Variants in FTO observed in about 807,000 individuals in gnomAD.
The protein encoded by FTO is FTO alpha-ketoglutarate dependent dioxygenase.
In FTO, 47 loss-of-function variants were observed where a neutral mutation model predicts 63.9. The ratio of observed to expected loss-of-function variants is 0.74; its 90% CI spans 0.58 to 0.94. The LOEUF (loss-of-function observed/expected upper bound fraction) is 0.94, where lower values mean the gene tolerates loss of function less well. Among genes scored for constraint, FTO ranks in the 40% least tolerant of loss-of-function variants. FTO has a pLI of 0.00. For missense variants in FTO, 562 were observed against 618.1 expected (o/e 0.91, Z 0.96); for synonymous variants, 207 against 224.4 (o/e 0.92, Z 0.69).
At chr16:53,904,680 C>T (rs558559611) in intron 7 of FTO, among the ~76,000 whole-genome samples, 25 of 152,280 alleles carry the variant, frequency 1.6e-4, no homozygotes, top group African/African-American at 5.8e-4. Flanking sequence ...GAGGGCTCCC[C>T]ATCCCTGGAA....
At chr16:53,799,159 A>G (rs938186101) in intron 1 of FTO, among the ~76,000 whole-genome samples, 2 of 152,080 alleles carry the variant, frequency 1.3e-5, no homozygotes, top group African/African-American at 4.8e-5. Context: ...ATTTATATGC[A>G]TGAGGGATAT....
In FTO at chr16:53,841,282, C is replaced by T. The variant is rs138593944; in HGVS notation, c.752-2873C>T. 4.3e-3 allele frequency among the ~76,000 whole-genome samples: 647 copies of T among 151,794 alleles called. 1 individual carries two copies. Among genetic ancestry groups the T allele is most frequent in the African/African-American group, 0.015 (626 of 41,340 alleles). ...CTGATATAAAGGTATTTATCATTCTCATTCTAGAAGGTTTATAAAAAATGT... is the reference window on the plus strand; with the variant it reads ...CTGATATAAAGGTATTTATCATTCTTATTCTAGAAGGTTTATAAAAAATGT... On this transcript the variant is annotated intron_variant, in intron 3 of 8. Coordinates refer to ENST00000471389, the MANE Select transcript of FTO (RefSeq NM_001080432.3).
intron 8 of FTO, among the ~76,000 whole-genome samples, chr16:53,959,665 A>T (rs752755679): frequency 6.6e-6 from 1 of 152,218 alleles, no homozygotes; most frequent in Non-Finnish European, 1.5e-5. Flanking sequence ...TGTACTGTAC[A>T]GCTCAGGAAA....
chr16:53,874,737 C>T (rs149606217), intron 5 of FTO, among the ~76,000 whole-genome samples: 9 of 152,240 alleles, frequency 5.9e-5, no homozygotes, highest in Non-Finnish European at 1.0e-4. Context: ...ACCAGTGGAA[C>T]GATCATATTG....
At chr16:54,087,528 G>A (rs541313066) in intron 8 of FTO, among the ~76,000 whole-genome samples, 1 of 152,248 alleles carries the variant, frequency 6.6e-6, no homozygotes, top group East Asian at 1.9e-4. Flanking sequence ...AGGAGGCCAA[G>A]CACAGTGGCT....
chr16:54,089,499 G>A (rs558156736), intron 8 of FTO, among the ~76,000 whole-genome samples: 1 of 152,246 alleles, frequency 6.6e-6, no homozygotes, highest in South Asian at 2.1e-4. Context: ...GGGAAGTTGG[G>A]AGACACGGTT....
chr16:53,933,144 A>G (rs1246277733), intron 7 of FTO, among the ~76,000 whole-genome samples: 1 of 152,208 alleles, frequency 6.6e-6, no homozygotes, highest in African/African-American at 2.4e-5. Flanking sequence ...TCAAAGAGTA[A>G]GGGAGTAGTG....
chr16:54,075,071 A>G (rs753694285), intron 8 of FTO, among the ~76,000 whole-genome samples: 7 of 151,904 alleles, frequency 4.6e-5, no homozygotes, highest in East Asian at 1.9e-4. Flanking sequence ...GGCTATTTCT[A>G]TTTCTTCGTT....
intron 8 of FTO, among the ~76,000 whole-genome samples, chr16:53,959,345 G>A (rs2083010615): frequency 2.0e-5 from 3 of 152,082 alleles, no homozygotes; most frequent in Non-Finnish European, 4.4e-5. Flanking sequence ...TTGAATAGTT[G>A]CAGTCCTAAC....
At chr16:53,931,745 A>T (rs1309740522) in intron 7 of FTO, among the ~76,000 whole-genome samples, 1 of 152,300 alleles carries the variant, frequency 6.6e-6, no homozygotes, top group East Asian at 1.9e-4. Flanking sequence ...TTTAGATTAG[A>T]GATCACAAAT....
intron 1 of FTO, among the ~76,000 whole-genome samples, chr16:53,782,961 G>A (rs1271405796): frequency 6.6e-6 from 1 of 152,138 alleles, no homozygotes; most frequent in South Asian, 2.1e-4. Context: ...GTGAATTTTG[G>A]TTGAATGAGT....
chr16:53,724,898 T>G (rs1441805149), intron 1 of FTO, among the ~76,000 whole-genome samples: 1 of 152,196 alleles, frequency 6.6e-6, no homozygotes, highest in Non-Finnish European at 1.5e-5. Context: ...AAATTGCTGA[T>G]AATTAATAAT....
intron 1 of FTO, among the ~76,000 whole-genome samples, chr16:53,718,040 C>A (rs990332807): frequency 6.6e-6 from 1 of 152,002 alleles, no homozygotes; most frequent in African/African-American, 2.4e-5. Context: ...TTTTCAAGGT[C>A]CCCCATGTGC....
At chr16:53,966,469 A>C (rs147689010) in intron 8 of FTO, among the ~76,000 whole-genome samples, 360 of 152,334 alleles carry the variant, frequency 2.4e-3, no homozygotes, top group African/African-American at 8.0e-3. Context: ...AATTCCAAGC[A>C]GCTGCCTTTA....
At position 54,058,866 on chromosome 16, in the gene FTO, A is replaced by G. The variant is rs371545902; in HGVS notation, c.1365-52896A>G. On this transcript the variant is annotated intron_variant, in intron 8 of 8. Coordinates refer to ENST00000471389, the MANE Select transcript of FTO (RefSeq NM_001080432.3). Reference sequence around the variant, plus strand: ...GCCTTTGTCTGCTGCTACTGTGTCTATTTTTGTTGTGGTGGTGGTTGTTTT... The same window carrying G: ...GCCTTTGTCTGCTGCTACTGTGTCTGTTTTTGTTGTGGTGGTGGTTGTTTT... 6.6e-5 allele frequency among the ~76,000 whole-genome samples: 10 copies of G among 152,040 alleles called. No homozygotes were observed. In the South Asian group the frequency reaches 1.2e-3, roughly 19 times the overall value.
chr16:53,857,572 G>A (rs2080043827), intron 4 of FTO, among the ~76,000 whole-genome samples: 1 of 151,956 alleles, frequency 6.6e-6, no homozygotes, highest in South Asian at 2.1e-4. Context: ...TGGAGCCTTC[G>A]TCTTTGGAGG....
At chr16:53,739,332 A>T (rs2151534164) in intron 1 of FTO, among the ~76,000 whole-genome samples, 1 of 150,334 alleles carries the variant, frequency 6.7e-6, no homozygotes, top group South Asian at 2.1e-4. Flanking sequence ...CAGCCTCCCC[A>T]GTAGCTGGGA....
rs2076921331 is a variant in FTO at position 53,756,278 on chromosome 16, T to C, written c.45+52049T>C. On this transcript the variant is annotated intron_variant, in intron 1 of 8. Coordinates refer to ENST00000471389, the MANE Select transcript of FTO (RefSeq NM_001080432.3). Reference sequence around the variant, plus strand: ...GACTGGTCTTCATGGCCTTCTGTAATAGGTCAGGGAGCTCTCACTCCCTTC... The same window carrying C: ...GACTGGTCTTCATGGCCTTCTGTAACAGGTCAGGGAGCTCTCACTCCCTTC... Among the ~76,000 whole-genome samples, 3 of 152,192 alleles carry C rather than the reference T, an allele frequency of 2.0e-5. No individual in the cohort carries two copies. The South Asian group carries it at 6.2e-4, about 32-fold the overall frequency.
intron 8 of FTO, among the ~76,000 whole-genome samples, chr16:54,081,378 T>C (rs1017118472): frequency 2.0e-5 from 3 of 152,202 alleles, no homozygotes; most frequent in Admixed American, 6.5e-5. Context: ...CTTGGACTTA[T>C]GTGATTAGCT....
Sources: allele counts gnomAD v4.1 joint callset (sites outside exome capture counted in the v4.1 genomes callset), GRCh38; gene constraint gnomAD v4.1.1; transcripts MANE v1.5; gene names NCBI Gene and HGNC (gene_info 2026-07-23, HGNC 2026-07-21).